Variants in ANPEP observed in about 807,000 individuals in gnomAD.
ANPEP encodes alanyl aminopeptidase, membrane.
A neutral mutation model predicts 114.6 loss-of-function variants in ANPEP; 70 were observed. The observed-to-expected ratio is 0.61, with a 90% CI of 0.50 to 0.75. The LOEUF is 0.75. Ranked by LOEUF, ANPEP falls within the 30% of genes least tolerant of loss-of-function variation. The probability of loss-of-function intolerance (pLI) is 0.00; values close to 1 mark genes in which losing one functional copy is unlikely to be tolerated. For synonymous variants in ANPEP, 548 were observed against 522.3 expected (o/e 1.05, Z -0.67); for missense variants, 1,184 against 1,259.5 (o/e 0.94, Z 0.91).
rs888244718 is a variant in ANPEP at position 89,803,448 on chromosome 15, G to C, written c.1497C>G (p.Gly499=). 3.1e-6 allele frequency: 5 copies of C among 1,605,866 alleles called. No homozygotes were observed. In the South Asian group the frequency reaches 4.4e-5, roughly 14 times the overall value. The change falls in exon 9 of 21, where the codon GGC becomes GGG. Residue 499 remains glycine (G), a synonymous_variant. Transcript: ENST00000300060. This position sits in a 1 kb window ranked among gnomAD's most constrained non-coding sequence, Gnocchi z 4.2. ...CCCAGGGTGCAGTACTCACCGCCAGGCCCTGCTTGAATACGTCCTCGGACA... is the reference window on the plus strand; with the variant it reads ...CCCAGGGTGCAGTACTCACCGCCAGCCCCTGCTTGAATACGTCCTCGGACA... The part of the protein sequence containing the change: ...SFLSEDVFKQ[G]LASYLHTFAY...
Position 89,803,167 on chromosome 15 carries a change from T to C in ANPEP, c.1569+72A>G. On this transcript the variant is annotated intron_variant, in intron 10 of 20. Coordinates refer to ENST00000300060, the MANE Select transcript of ANPEP (RefSeq NM_001150.3). The surrounding 1 kb of genome is among the most constrained non-coding windows in gnomAD (Gnocchi z 4.2). ...AGCTGGACCCATTCTCTTACGCATGTGCTGCCCCCAGGTACCTTCAGCATC... is the reference window on the plus strand; with the variant it reads ...AGCTGGACCCATTCTCTTACGCATGCGCTGCCCCCAGGTACCTTCAGCATC... 1.3e-6 allele frequency: 2 copies of C among 1,524,750 alleles called. No individual in the cohort carries two copies. The highest frequency in any genetic ancestry group is 1.8e-6 in the Non-Finnish European group (2 of 1,099,110). 94.5% of individuals were successfully genotyped at this position (1,524,750 alleles called of 1,614,324 possible).
intron 17 of ANPEP, 35 bp from the exon 18 acceptor site, chr15:89,792,362 C>T: frequency 6.2e-7 from 1 of 1,612,944 alleles, no homozygotes; most frequent in Non-Finnish European, 8.5e-7. Flanking sequence ...TGTGGAACAG[C>T]AGCGGGGAGG....
chr15:89,806,109 T>C lies in ANPEP; in HGVS notation c.475A>G (p.Thr159Ala), dbSNP rs1894707316. ...TTGAGGTGCACCACCAGGTACTCGG[T>C]GGGCTCCACCAGCTCAGTCTTGTCA... ...DIDKTELVEP[T>A]EYLVVHLKGS... The change falls in exon 2 of 21, where the codon ACC (threonine) becomes GCC (alanine). Residue 159 changes from threonine to alanine, a missense_variant. Coordinates refer to ENST00000300060, the MANE Select transcript of ANPEP (RefSeq NM_001150.3). This position sits in a 1 kb window ranked among gnomAD's most constrained non-coding sequence, Gnocchi z 5.7. 6.2e-7 allele frequency: 1 copy of C among 1,613,960 alleles called. No homozygotes were observed. Among genetic ancestry groups the C allele is most frequent in the African/African-American group, 1.3e-5 (1 of 74,906 alleles).
rs567882361 is a variant in ANPEP, at chr15:89,805,606, C to T, written c.615-143G>A. On this transcript the variant is annotated intron_variant, in intron 2 of 20. Coordinates refer to ENST00000300060, the MANE Select transcript of ANPEP (RefSeq NM_001150.3). The stretch of plus-strand genomic sequence containing the variant: ...TGCTCCTGCTCCCACCCCCGCCTCG[C>T]CGGGAGCCTCCGGAGCCCTGCCAGG... 10 of 1,222,552 alleles carry T rather than the reference C, an allele frequency of 8.2e-6. No homozygotes were observed. The East Asian group carries it at 2.6e-4, about 31-fold the overall frequency. 75.7% of individuals were successfully genotyped at this position (1,222,552 alleles called of 1,614,324 possible).
chr15:89,785,132 G>T lies in ANPEP; in HGVS notation c.*217C>A, dbSNP rs1968482258. The T allele has an allele frequency of 1.7e-6, 1 of 578,808 alleles. No individual in the cohort carries two copies. The highest frequency in any genetic ancestry group is 3.0e-6 in the Non-Finnish European group (1 of 333,468). 35.9% of individuals were successfully genotyped at this position (578,808 alleles called of 1,614,324 possible). A position where few individuals can be genotyped will look rare whatever the true frequency, so the allele number is the denominator to read the frequency against. On this transcript the variant is annotated 3_prime_UTR_variant, in exon 21 of 21. Transcript: ENST00000300060. ...GGTGCCATGCCAGGCCTAGGGCGGG[G>T]TTGGCATGAGGGGCAGGGGCTGGGA...
chr15:89,814,094 G>A (rs1894864967), intron 1 of ANPEP, among the ~76,000 whole-genome samples: 1 of 151,968 alleles, frequency 6.6e-6, no homozygotes, highest in South Asian at 2.1e-4. Context: ...TGGGGCCCTG[G>A]ATCTGTCTCA....
intron 20 of ANPEP, among the ~76,000 whole-genome samples, chr15:89,790,006 C>T (rs1451541830): frequency 6.8e-6 from 1 of 145,992 alleles, no homozygotes; most frequent in Non-Finnish European, 1.5e-5. Context: ...TTGCAGTGAG[C>T]CCAGATCGCA....
intron 6 of ANPEP, 99 bp from the exon 7 acceptor site, chr15:89,804,101 T>C: frequency 6.5e-7 from 1 of 1,545,194 alleles, no homozygotes; most frequent in Non-Finnish European, 8.9e-7. Flanking sequence ...CCAGGCACAG[T>C]GGGGATTTCA....
intron 1 of ANPEP, among the ~76,000 whole-genome samples, chr15:89,811,157 A>G (rs1894808732): frequency 6.6e-6 from 1 of 152,232 alleles, no homozygotes; most frequent in Admixed American, 6.5e-5. Flanking sequence ...GATCCTCGGG[A>G]CAGGTTCCAC....
chr15:89,801,495 A>T lies in ANPEP; in HGVS notation c.1682T>A (p.Leu561His). The change falls in exon 11 of 21, where the codon CTT becomes CAT. Residue 561 changes from leucine to histidine, a missense_variant. Physicochemically the swap from Leu to His is moderately conservative, Grantham distance 99 (BLOSUM62 -3). Transcript: ENST00000300060. ...VITVDTSTGT[L>H]SQEHFLLDPD... Reference sequence around the variant, plus strand: ...GTCAAGGAGGAAGTGCTCCTGGGAAAGGGTCCCCGTGCTGGTATCCACCGT... The same window carrying T: ...GTCAAGGAGGAAGTGCTCCTGGGAATGGGTCCCCGTGCTGGTATCCACCGT... 1.2e-6 allele frequency: 2 copies of T among 1,614,124 alleles called. No individual in the cohort carries two copies. Among genetic ancestry groups the T allele is most frequent in the Non-Finnish European group, 1.7e-6 (2 of 1,179,974 alleles).
chr15:89,804,620 G>T lies in ANPEP; in HGVS notation c.898-3C>A, dbSNP rs1894671843. On this transcript the variant is annotated splice_polypyrimidine_tract_variant and splice_region_variant and intron_variant, in intron 4 of 20. Transcript: ENST00000300060. ...CTGGGCCGGGCCCAGATCCGGATCTGCAAGGTGTGAGGAAGAAGCAGACCA... is the reference window on the plus strand; with the variant it reads ...CTGGGCCGGGCCCAGATCCGGATCTTCAAGGTGTGAGGAAGAAGCAGACCA... 6.2e-7 allele frequency: 1 copy of T among 1,613,222 alleles called. No individual in the cohort carries two copies. The highest frequency in any genetic ancestry group is 1.3e-5 in the African/African-American group (1 of 74,942).
Position 89,788,523 on chromosome 15 carries a change from C to T in ANPEP, c.2751+1937G>A, listed in dbSNP as rs185457689. On this transcript the variant is annotated intron_variant, in intron 20 of 20. Transcript: ENST00000300060. ...TAATGAGTACAAGGTTTTTTTTTGG[C>T]GTAATAAAAATGTTCTGGAATTAGA... Among the ~76,000 whole-genome samples, 20 of 151,828 alleles carry T rather than the reference C, an allele frequency of 1.3e-4. No individual in the cohort carries two copies. The East Asian group carries it at 2.3e-3, about 18-fold the overall frequency.
rs1169159988 is a variant in ANPEP, at chr15:89,803,489, TC to T, written c.1455del (p.Met486CysfsTer30). ...ISYSKGASVL[R>X]MLSSFLSEDV... is the part of the protein sequence containing the mutation. Reference sequence around the variant, plus strand: ...TCCTCGGACAGGAAGCTGGAGAGCATCCTGAGGACTGAGGCGCCCTGGGGTG... The same window carrying T: ...TCCTCGGACAGGAAGCTGGAGAGCATCTGAGGACTGAGGCGCCCTGGGGTG... On this transcript the variant is annotated frameshift_variant, in exon 9 of 21. Transcript: ENST00000300060. LOFTEE classifies it high-confidence loss of function. The surrounding 1 kb of genome is among the most constrained non-coding windows in gnomAD (Gnocchi z 4.2). 6.2e-7 allele frequency: 1 copy of T among 1,607,514 alleles called. No homozygotes were observed.
chr15:89,806,303 GT>G lies in ANPEP; in HGVS notation c.280del (p.Thr94ProfsTer78), dbSNP rs1567162119. ...AACGTACAGGCCCCTGTCATTGGGG[GT>G]GAGGTACGGTCTCAGCGTCACCCGG... Reference protein sequence around the residue: ...SYRVTLRPYLTPNDRGLYVFK... With the variant: ...SYRVTLRPYLXPNDRGLYVFK... On this transcript the variant is annotated frameshift_variant, in exon 2 of 21. Coordinates refer to ENST00000300060, the MANE Select transcript of ANPEP (RefSeq NM_001150.3). LOFTEE classifies it high-confidence loss of function. This position sits in a 1 kb window ranked among gnomAD's most constrained non-coding sequence, Gnocchi z 5.7. The G allele has an allele frequency of 6.2e-7, 1 of 1,614,182 alleles. No homozygotes were observed. Among genetic ancestry groups the G allele is most frequent in the South Asian group, 1.1e-5 (1 of 91,084 alleles).
chr15:89,790,446 G>A lies in ANPEP; in HGVS notation c.2751+14C>T. ...GAAGTAGGCAGAGCCCAGGTCTGGG[G>A]AATGACTTCTTACCTGCTGCAGCTC... On this transcript the variant is annotated intron_variant, in intron 20 of 20. Coordinates refer to ENST00000300060, the MANE Select transcript of ANPEP (RefSeq NM_001150.3). 6.2e-7 allele frequency: 1 copy of A among 1,611,974 alleles called. No individual in the cohort carries two copies. Among genetic ancestry groups the A allele is most frequent in the East Asian group, 2.2e-5 (1 of 44,868 alleles).
At chr15:89,808,912 T>C (rs527521553) in intron 1 of ANPEP, among the ~76,000 whole-genome samples, 1 of 152,352 alleles carries the variant, frequency 6.6e-6, no homozygotes, top group African/African-American at 2.4e-5. Flanking sequence ...AGGCCGAGTC[T>C]GAGCCCAGGG....
At chr15:89,804,746 C>T (rs1472795989) in intron 4 of ANPEP, 129 bp from the exon 5 acceptor site, 1 of 1,335,218 alleles carries the variant, frequency 7.5e-7, no homozygotes, top group Non-Finnish European at 1.0e-6. Flanking sequence ...TCAAGCTAAA[C>T]CTAGAGGCCT....
intron 1 of ANPEP, among the ~76,000 whole-genome samples, chr15:89,811,372 C>T (rs1295543521): frequency 6.6e-6 from 1 of 152,084 alleles, no homozygotes; most frequent in Non-Finnish European, 1.5e-5. Context: ...CTGGGCCGGG[C>T]GTGTTGGCTC....
At chr15:89,787,054 T>C (rs1201735142) in intron 20 of ANPEP, among the ~76,000 whole-genome samples, 1 of 146,480 alleles carries the variant, frequency 6.8e-6, no homozygotes, top group African/African-American at 2.5e-5. Flanking sequence ...TTTTTTTTTT[T>C]TTTTTTTTTG....
Sources: gnomAD v4.1 joint callset for allele counts (sites outside exome capture counted in the v4.1 genomes callset) on GRCh38, gnomAD v4.1.1 for gene constraint, Gnocchi (gnomAD v3.1) non-coding constraint, MANE v1.5 for transcripts, NCBI Gene and HGNC (gene_info 2026-07-23, HGNC 2026-07-21) for gene names.